CDH20: variants seen among roughly 807,000 people sequenced by gnomAD.
CDH20 encodes the protein cadherin-20.
In CDH20, 29 loss-of-function variants were observed where a neutral mutation model predicts 74.2. That is an observed-to-expected ratio of 0.39 (90% CI 0.29 to 0.53). The LOEUF (loss-of-function observed/expected upper bound fraction) is 0.53, where lower values mean the gene tolerates loss of function less well. Among genes scored for constraint, CDH20 ranks in the 20% least tolerant of loss-of-function variants. CDH20 has a pLI of 0.69. For synonymous variants in CDH20, 469 were observed against 405.4 expected (o/e 1.16, Z -1.88); for missense variants, 988 against 1,048.3 (o/e 0.94, Z 0.79).
chr18:61,455,242 A>T (rs1909533078), intron 1 of CDH20, among the ~76,000 whole-genome samples: 2 of 152,198 alleles, frequency 1.3e-5, no homozygotes, highest in Non-Finnish European at 2.9e-5. Context: ...AGCTGGGACA[A>T]CTAAATACAA....
At position 61,499,236 on chromosome 18, in the gene CDH20, G is replaced by A. The variant is rs764114855; in HGVS notation, c.297G>A (p.Ser99=). ...ACGGATCCATCAAATACATCCTCTCGGGAGAAGGTGCTGGCATCGTGTTTA... is the reference window on the plus strand; with the variant it reads ...ACGGATCCATCAAATACATCCTCTCAGGAGAAGGTGCTGGCATCGTGTTTA... ...RGDGSIKYIL[S]GEGAGIVFTI... Residue 99 remains serine (S), a synonymous_variant, in exon 3 of 12, where the codon TCG becomes TCA. Coordinates refer to ENST00000262717, the MANE Select transcript of CDH20 (RefSeq NM_031891.4). 1.9e-5 allele frequency: 30 copies of A among 1,611,500 alleles called. No homozygotes were observed. The highest frequency in any genetic ancestry group is 1.7e-4 in the Middle Eastern group (1 of 6,030).
In CDH20 at chr18:61,454,949, G is replaced by A. The variant is rs140720107; in HGVS notation, c.-152-35453G>A. On this transcript the variant is annotated intron_variant, in intron 1 of 11. Transcript: ENST00000262717. ...GGCAAAAGAACTGAGTACTGATCCTGGCCCTGCTTCAGCAGGCATCTGACT... is the reference window on the plus strand; with the variant it reads ...GGCAAAAGAACTGAGTACTGATCCTAGCCCTGCTTCAGCAGGCATCTGACT... 9.2e-5 allele frequency among the ~76,000 whole-genome samples: 14 copies of A among 152,296 alleles called. No homozygotes were observed. In the East Asian group the frequency reaches 2.5e-3, roughly 27 times the overall value.
At chr18:61,516,210 T>A (rs1307499660) in intron 6 of CDH20, among the ~76,000 whole-genome samples, 2 of 152,256 alleles carry the variant, frequency 1.3e-5, no homozygotes, top group Admixed American at 6.5e-5. Flanking sequence ...AATCTGCATA[T>A]ACTATCACTC....
At position 61,439,552 on chromosome 18, in the gene CDH20, T is replaced by C. The variant is rs142784639; in HGVS notation, c.-152-50850T>C. Among the ~76,000 whole-genome samples, 472 of 152,290 alleles carry C rather than the reference T, an allele frequency of 3.1e-3. 9 individuals are homozygous for C. Among genetic ancestry groups the C allele is most frequent in the Admixed American group, 0.023 (353 of 15,278 alleles). Reference sequence around the variant, plus strand: ...ACATGTTGTGTACAAGGTAAAGTCCTACATTTCTATAATAATATTAATTTA... The same window carrying C: ...ACATGTTGTGTACAAGGTAAAGTCCCACATTTCTATAATAATATTAATTTA... On this transcript the variant is annotated intron_variant, in intron 1 of 11. Coordinates refer to ENST00000262717, the MANE Select transcript of CDH20 (RefSeq NM_031891.4).
At chr18:61,509,840 A>G (rs1265443315) in intron 6 of CDH20, among the ~76,000 whole-genome samples, 1 of 152,166 alleles carries the variant, frequency 6.6e-6, no homozygotes, top group Non-Finnish European at 1.5e-5. Flanking sequence ...AAGTGGTCAG[A>G]ATCTGTACAT....
chr18:61,525,447 C>T (rs572047920), intron 6 of CDH20, among the ~76,000 whole-genome samples: 13 of 152,188 alleles, frequency 8.5e-5, no homozygotes, highest in Admixed American at 3.9e-4. Flanking sequence ...AAAAATGTTT[C>T]GATTTAGGGA....
In CDH20 at chr18:61,358,906, T is replaced by C. The variant is rs192625312; in HGVS notation, c.-153+25079T>C. Among the ~76,000 whole-genome samples the C allele has an allele frequency of 7.3e-5, 11 of 151,026 alleles. 1 individual carries two copies. The highest frequency in any genetic ancestry group is 1.7e-4 in the African/African-American group (7 of 41,006). On this transcript the variant is annotated intron_variant, in intron 1 of 11. Coordinates refer to ENST00000262717, the MANE Select transcript of CDH20 (RefSeq NM_031891.4). ...TAAGCCTCTGATTTTAATTATTCTA[T>C]AATAAATACTGGTGCAATGGACTTT...
intron 1 of CDH20, among the ~76,000 whole-genome samples, chr18:61,354,466 G>A (rs373084527): frequency 6.6e-5 from 10 of 152,094 alleles, no homozygotes; most frequent in Middle Eastern, 3.4e-3. Flanking sequence ...AAAATTAGCC[G>A]GGCGTGGTAA....
At chr18:61,509,280 C>T (rs542158090) in intron 6 of CDH20, among the ~76,000 whole-genome samples, 7 of 152,190 alleles carry the variant, frequency 4.6e-5, no homozygotes, top group South Asian at 2.1e-4. Flanking sequence ...AGAGAAGTGG[C>T]GTTTATGCAA....
intron 1 of CDH20, among the ~76,000 whole-genome samples, chr18:61,416,887 G>C (rs925366347): frequency 1.3e-5 from 2 of 152,122 alleles, no homozygotes; most frequent in Non-Finnish European, 2.9e-5. Context: ...ACACATACAT[G>C]AAAAACAAAC....
Position 61,554,301 on chromosome 18 carries a change from G to A in CDH20, c.2012G>A (p.Gly671Asp). The A allele has an allele frequency of 6.2e-7, 1 of 1,613,874 alleles. No homozygotes were observed. Among genetic ancestry groups the A allele is most frequent in the Non-Finnish European group, 8.5e-7 (1 of 1,179,986 alleles). Residue 671 changes from glycine to aspartate, a missense_variant, in exon 12 of 12, where the codon GGC (glycine) becomes GAC (aspartate). Gly to Asp is a moderately conservative substitution (Grantham distance 94, BLOSUM62 -1). This residue lies in a region of CDH20 where 375 missense variants were observed against 293.1 expected (regional missense o/e 1.28). Coordinates refer to ENST00000262717, the MANE Select transcript of CDH20 (RefSeq NM_031891.4). ...GTCCGCTACGACGACGAGGGCGGCG[G>A]CGAGGAGGACACCGAGGCCTTCGAC... ...NIVRYDDEGGGEEDTEAFDIA... is the reference protein window; with the variant it reads ...NIVRYDDEGGDEEDTEAFDIA...
At chr18:61,401,764 T>G (rs1039979866) in intron 1 of CDH20, among the ~76,000 whole-genome samples, 1 of 152,186 alleles carries the variant, frequency 6.6e-6, no homozygotes, top group Non-Finnish European at 1.5e-5. Flanking sequence ...ACTTGAGCAA[T>G]GTATTTTTGT....
At chr18:61,354,668 T>C (rs1453803016) in intron 1 of CDH20, among the ~76,000 whole-genome samples, 1 of 152,034 alleles carries the variant, frequency 6.6e-6, no homozygotes, top group Non-Finnish European at 1.5e-5. Flanking sequence ...TAAACTTCCC[T>C]CATGCTGTAC....
intron 1 of CDH20, among the ~76,000 whole-genome samples, chr18:61,409,231 C>T (rs1599065270): frequency 2.6e-5 from 4 of 152,206 alleles, no homozygotes; most frequent in South Asian, 2.1e-4. Context: ...GTCTTCCAGA[C>T]GGTTCTCACT....
intron 1 of CDH20, among the ~76,000 whole-genome samples, chr18:61,470,180 C>T (rs907834990): frequency 6.6e-6 from 1 of 152,176 alleles, no homozygotes; most frequent in Non-Finnish European, 1.5e-5. Flanking sequence ...CACCAGAGCA[C>T]CCTGGGGGGT....
chr18:61,523,822 A>G (rs1484270342), intron 6 of CDH20, among the ~76,000 whole-genome samples: 2 of 152,116 alleles, frequency 1.3e-5, no homozygotes, highest in Non-Finnish European at 2.9e-5. Flanking sequence ...ACAGAAAACT[A>G]AACACTGCAT....
intron 6 of CDH20, among the ~76,000 whole-genome samples, chr18:61,510,235 C>A (rs920126581): frequency 2.0e-4 from 31 of 152,066 alleles, no homozygotes; most frequent in African/African-American, 7.5e-4. Flanking sequence ...TGAGGCACAC[C>A]AACATGAAGA....
At chr18:61,359,634 A>G (rs1175484210) in intron 1 of CDH20, among the ~76,000 whole-genome samples, 1 of 152,160 alleles carries the variant, frequency 6.6e-6, no homozygotes, top group Non-Finnish European at 1.5e-5. Flanking sequence ...CGGTTTATTT[A>G]AAAAAAGAAA....
chr18:61,378,024 T>G (rs950569331), intron 1 of CDH20, among the ~76,000 whole-genome samples: 1 of 152,190 alleles, frequency 6.6e-6, no homozygotes, highest in Non-Finnish European at 1.5e-5. Flanking sequence ...GTTCCTTTGA[T>G]GTCCCCGTTT....
Sources: gnomAD v4.1 joint callset for allele counts (sites outside exome capture counted in the v4.1 genomes callset) on GRCh38, gnomAD v4.1.1 for gene constraint, gnomAD v4.1.1 regional missense constraint, MANE v1.5 for transcripts, NCBI Gene and HGNC (gene_info 2026-07-23, HGNC 2026-07-21) for gene names.